The following CRTC3 variants were observed in gnomAD, a reference collection of about 807,000 sequenced individuals.
CRTC3 encodes the protein CREB regulated transcription coactivator 3.
CRTC3 carries 26 observed loss-of-function variants against 74.5 expected under a neutral mutation model. The ratio of observed to expected loss-of-function variants is 0.35; its 90% CI spans 0.26 to 0.48. The LOEUF (loss-of-function observed/expected upper bound fraction) is 0.48, where lower values mean the gene tolerates loss of function less well. Among genes scored for constraint, CRTC3 ranks in the 20% least tolerant of loss-of-function variants. CRTC3 has a pLI of 0.99. For synonymous variants in CRTC3, 377 were observed against 325.8 expected (o/e 1.16, Z -1.69); for missense variants, 760 against 787.3 (o/e 0.97, Z 0.41).
At position 90,629,349 on chromosome 15, in the gene CRTC3, C is replaced by T. The variant is rs773543374; in HGVS notation, c.1083C>T (p.His361=). The T allele has an allele frequency of 1.5e-5, 25 of 1,614,028 alleles. No individual in the cohort carries two copies. The South Asian group carries it at 2.2e-4, about 14-fold the overall frequency. ...QTSVPNASAL[H]PSLRLFSLSN... is the part of the protein sequence containing the mutation. ...CTGTTCCCAACGCATCTGCTCTTCA[C>T]CCTTCGCTCCGTCTGTTTTCCCTTA... Residue 361 remains histidine (H), a synonymous_variant, in exon 11 of 15, where the codon CAC becomes CAT. Coordinates refer to ENST00000268184, the MANE Select transcript of CRTC3 (RefSeq NM_022769.5).
intron 2 of CRTC3, among the ~76,000 whole-genome samples, chr15:90,579,415 A>G (rs1239077855): frequency 1.3e-5 from 2 of 152,150 alleles, no homozygotes; most frequent in African/African-American, 4.8e-5. Context: ...ATGGCCTGGA[A>G]CATCCTGGCC....
At position 90,644,041 on chromosome 15, in the gene CRTC3, C is replaced by T. The variant is rs1949348012; in HGVS notation, c.*1901C>T. 4.3e-6 allele frequency: 1 copy of T among 231,700 alleles called. No homozygotes were observed. Among genetic ancestry groups the T allele is most frequent in the Admixed American group, 5.6e-5 (1 of 17,734 alleles). 14.4% of individuals were successfully genotyped at this position (231,700 alleles called of 1,614,324 possible). A position where few individuals can be genotyped will look rare whatever the true frequency, so the allele number is the denominator to read the frequency against. ...TTAAAATAACCCTCATGGGGTGCCC[C>T]TCCACCTTCCTCTGGAATCCAAGTA... On this transcript the variant is annotated 3_prime_UTR_variant, in exon 15 of 15. Coordinates refer to ENST00000268184, the MANE Select transcript of CRTC3 (RefSeq NM_022769.5).
chr15:90,619,963 T>A (rs1968599287), intron 9 of CRTC3, 173 bp downstream of exon 9: 1 of 602,808 alleles, frequency 1.7e-6, no homozygotes, highest in African/African-American at 1.9e-5. Flanking sequence ...ATTTCATCTG[T>A]TTAAACTAAT....
At chr15:90,621,592 G>A (rs1427368382) in intron 9 of CRTC3, among the ~76,000 whole-genome samples, 2 of 152,152 alleles carry the variant, frequency 1.3e-5, no homozygotes, top group African/African-American at 2.4e-5. Context: ...CAAAGTGCTA[G>A]GATTACAGGC....
Position 90,549,682 on chromosome 15 carries a change from CTTATT to C in CRTC3, c.231+9556_231+9560del, listed in dbSNP as rs571576193. On this transcript the variant is annotated intron_variant, in intron 2 of 14. Coordinates refer to ENST00000268184, the MANE Select transcript of CRTC3 (RefSeq NM_022769.5). ...AAATATGTATACATGCTCTTATTCACTTATTTTATTTTATTCTTTTTCTTTTTTTT... is the reference window on the plus strand; with the variant it reads ...AAATATGTATACATGCTCTTATTCACTTATTTTATTCTTTTTCTTTTTTTT... Among the ~76,000 whole-genome samples, 737 of 148,734 alleles carry C rather than the reference CTTATT, an allele frequency of 5.0e-3. 2 individuals are homozygous for C. The highest frequency in any genetic ancestry group is 0.018 in the African/African-American group (706 of 40,318).
intron 6 of CRTC3, among the ~76,000 whole-genome samples, chr15:90,611,567 A>G (rs986008387): frequency 5.9e-5 from 9 of 152,146 alleles, no homozygotes; most frequent in Non-Finnish European, 1.3e-4. Context: ...GTGCCAGTAT[A>G]TCAGTCATTG....
intron 9 of CRTC3, among the ~76,000 whole-genome samples, chr15:90,622,368 T>G (rs1480278162): frequency 6.6e-6 from 1 of 152,206 alleles, no homozygotes; most frequent in African/African-American, 2.4e-5. Context: ...CCTTGCTCTG[T>G]GCTGTTGGAC....
intron 2 of CRTC3, among the ~76,000 whole-genome samples, chr15:90,575,477 T>C (rs1967382458): frequency 6.6e-6 from 1 of 152,254 alleles, no homozygotes; most frequent in African/African-American, 2.4e-5. Context: ...CTTTGATCCA[T>C]CATGTGCTTA....
At chr15:90,587,197 G>A (rs968428694) in intron 2 of CRTC3, among the ~76,000 whole-genome samples, 2 of 152,168 alleles carry the variant, frequency 1.3e-5, no homozygotes, top group Admixed American at 6.5e-5. Context: ...GCTTTCAGAT[G>A]CTATGTGATA....
chr15:90,642,800 A>G lies in CRTC3; in HGVS notation c.*660A>G, dbSNP rs1269468640. ...CTTCAGAAAAGTACACCTTTTCCTT[A>G]TGGACCAGAGGAAGAGGAAGACCAT... On this transcript the variant is annotated 3_prime_UTR_variant, in exon 15 of 15. Transcript: ENST00000268184. The G allele has an allele frequency of 4.3e-6, 1 of 232,202 alleles. No individual in the cohort carries two copies. Among genetic ancestry groups the G allele is most frequent in the African/African-American group, 2.2e-5 (1 of 45,230 alleles). The allele number at this position is 232,202 out of a possible 1,614,324, so 14.4% of individuals were successfully genotyped here.
chr15:90,576,244 A>G (rs1271504199), intron 2 of CRTC3, among the ~76,000 whole-genome samples: 1 of 152,162 alleles, frequency 6.6e-6, no homozygotes, highest in Non-Finnish European at 1.5e-5. Flanking sequence ...TCTCTAAAAT[A>G]TAAATAAATA....
chr15:90,632,794 A>G (rs6416557), intron 11 of CRTC3, among the ~76,000 whole-genome samples: 101,338 of 152,074 alleles, frequency 0.67, 35,019 homozygotes, highest in South Asian at 0.78. Flanking sequence ...TAGTAGATAC[A>G]GGGTTTTACC....
At chr15:90,549,585 T>C (rs1171626913) in intron 2 of CRTC3, among the ~76,000 whole-genome samples, 1 of 152,052 alleles carries the variant, frequency 6.6e-6, no homozygotes, top group Admixed American at 6.6e-5. Flanking sequence ...AGAAAGATAG[T>C]GAAGAGCTAG....
intron 8 of CRTC3, 58 bp from the exon 9 acceptor site, chr15:90,619,683 C>T: frequency 6.6e-7 from 1 of 1,518,160 alleles, no homozygotes. Context: ...AGACACTTTT[C>T]AAAAACTTGA....
chr15:90,607,294 C>T, intron 5 of CRTC3, 84 bp from the exon 6 acceptor site: 1 of 799,712 alleles, frequency 1.3e-6, no homozygotes, highest in South Asian at 1.6e-5. Context: ...TGCCTTCTTT[C>T]CTGTTGGTAA....
chr15:90,531,788 G>T (rs1392090172), intron 1 of CRTC3, among the ~76,000 whole-genome samples: 1 of 152,110 alleles, frequency 6.6e-6, no homozygotes. Flanking sequence ...CATTGTTTAT[G>T]TACAAATACA....
chr15:90,626,936 G>T (rs1449211063), intron 10 of CRTC3, among the ~76,000 whole-genome samples: 1 of 152,198 alleles, frequency 6.6e-6, no homozygotes, highest in Admixed American at 6.5e-5. Context: ...TCTAGGGCAG[G>T]TGATAATCCT....
chr15:90,584,956 C>G (rs1967626213), intron 2 of CRTC3, among the ~76,000 whole-genome samples: 1 of 152,074 alleles, frequency 6.6e-6, no homozygotes, highest in Admixed American at 6.6e-5. Context: ...TTTAGCTAAC[C>G]GTTTACATAA....
chr15:90,628,566 T>C (rs1968922784), intron 10 of CRTC3, among the ~76,000 whole-genome samples: 1 of 152,144 alleles, frequency 6.6e-6, no homozygotes, highest in African/African-American at 2.4e-5. Flanking sequence ...CAAAGATCTC[T>C]CTCCCAAATT....
Sources: gnomAD v4.1 joint callset for allele counts (sites outside exome capture counted in the v4.1 genomes callset) on GRCh38, gnomAD v4.1.1 for gene constraint, MANE v1.5 for transcripts, NCBI Gene and HGNC (gene_info 2026-07-23, HGNC 2026-07-21) for gene names.